Variants in DOCK1 observed in about 807,000 individuals in gnomAD.
DOCK1 encodes the protein dedicator of cytokinesis 1, also known as dedicator of cytokinesis protein 1.
A neutral mutation model predicts 262.7 loss-of-function variants in DOCK1; 138 were observed. That is an observed-to-expected ratio of 0.53 (90% confidence interval 0.46 to 0.61). The LOEUF is 0.61. Ranked by LOEUF, DOCK1 falls within the 20% of genes least tolerant of loss-of-function variation. DOCK1 has a pLI of 0.00. For missense variants in DOCK1, 1,908 were observed against 2,370.7 expected (o/e 0.80, Z 4.05); for synonymous variants, 866 against 867.4 (o/e 1.00, Z 0.03).
chr10:127,373,100 T>C, intron 33 of DOCK1, among the ~76,000 whole-genome samples: 1 of 152,154 alleles, frequency 6.6e-6, no homozygotes, highest in Non-Finnish European at 1.5e-5. Context: ...CCCCAGAATT[T>C]AGAGTTTTTC....
intron 38 of DOCK1, among the ~76,000 whole-genome samples, chr10:127,397,905 G>T (rs1336365905): frequency 3.3e-5 from 5 of 152,138 alleles, no homozygotes; most frequent in Admixed American, 6.5e-5. Flanking sequence ...CTATGACATG[G>T]GTCATGGCTC....
chr10:127,421,244 G>T (rs987200682), intron 46 of DOCK1, among the ~76,000 whole-genome samples: 1 of 152,108 alleles, frequency 6.6e-6, no homozygotes, highest in Non-Finnish European at 1.5e-5. Flanking sequence ...TGACATCCCA[G>T]CAGGGCCTCT....
intron 38 of DOCK1, among the ~76,000 whole-genome samples, chr10:127,393,004 G>A (rs1485589597): frequency 1.3e-5 from 2 of 152,120 alleles, no homozygotes; most frequent in Non-Finnish European, 2.9e-5. Context: ...TGACCGAACG[G>A]GCAGACAAGC....
chr10:127,176,326 G>C lies in DOCK1; in HGVS notation c.2847+48562G>C. 1.2e-6 allele frequency: 2 copies of C among 1,614,016 alleles called. No homozygotes were observed. Among genetic ancestry groups the C allele is most frequent in the African/African-American group, 1.3e-5 (1 of 75,036 alleles). ...AGGGCGTATTTCATCTCCAGGGCCAGGCAGGCGGCGGGTTCCACTTCACTC... is the reference window on the plus strand; with the variant it reads ...AGGGCGTATTTCATCTCCAGGGCCACGCAGGCGGCGGGTTCCACTTCACTC... On this transcript the variant is annotated intron_variant, in intron 27 of 51. Transcript: ENST00000623213. This position sits in a 1 kb window ranked among gnomAD's most constrained non-coding sequence, Gnocchi z 4.4.
intron 1 of DOCK1, among the ~76,000 whole-genome samples, chr10:126,945,651 C>T (rs907928495): frequency 1.3e-5 from 2 of 152,156 alleles, no homozygotes; most frequent in Admixed American, 1.3e-4. Context: ...TGGAGTGAGT[C>T]AAATACTCTT....
At chr10:127,027,510 C>T (rs187470280) in intron 16 of DOCK1, among the ~76,000 whole-genome samples, 13 of 152,210 alleles carry the variant, frequency 8.5e-5, no homozygotes, top group Non-Finnish European at 1.8e-4. Flanking sequence ...TGCTTGAACC[C>T]GGGAGGCAGA....
intron 29 of DOCK1, among the ~76,000 whole-genome samples, chr10:127,271,683 A>G (rs1317101069): frequency 6.6e-6 from 1 of 152,200 alleles, no homozygotes; most frequent in African/African-American, 2.4e-5. Flanking sequence ...ACACTGTCCC[A>G]TTACCCAACA....
intron 32 of DOCK1, among the ~76,000 whole-genome samples, chr10:127,360,946 G>GA (rs2133917580): frequency 6.6e-6 from 1 of 152,174 alleles, no homozygotes; most frequent in Non-Finnish European, 1.5e-5. Context: ...TCAGTGAGAT[G>GA]ATGCTTTATC....
At chr10:127,262,716 C>T (rs574664397) in intron 29 of DOCK1, among the ~76,000 whole-genome samples, 2 of 152,194 alleles carry the variant, frequency 1.3e-5, no homozygotes, top group Non-Finnish European at 2.9e-5. Flanking sequence ...TTTCCCTGTA[C>T]ATTCCCATTC....
chr10:127,291,743 T>G (rs6482774), intron 29 of DOCK1, among the ~76,000 whole-genome samples: 34,745 of 152,194 alleles, frequency 0.23, 4,257 homozygotes, highest in African/African-American at 0.32. Flanking sequence ...GCTCTCCTGT[T>G]GCGCTGGCTG....
chr10:127,434,202 T>C (rs1188025831), intron 48 of DOCK1, among the ~76,000 whole-genome samples: 1 of 152,176 alleles, frequency 6.6e-6, no homozygotes, highest in African/African-American at 2.4e-5. Context: ...GCAAATGTTT[T>C]GTTTATTTTT....
intron 49 of DOCK1, among the ~76,000 whole-genome samples, chr10:127,440,046 C>G (rs564020500): frequency 6.6e-6 from 1 of 151,656 alleles, no homozygotes; most frequent in African/African-American, 2.4e-5. Flanking sequence ...GCAGGCTGTA[C>G]GAGCACAGCA....
intron 29 of DOCK1, among the ~76,000 whole-genome samples, chr10:127,258,512 C>T (rs543056395): frequency 4.6e-4 from 70 of 152,298 alleles, no homozygotes; most frequent in African/African-American, 1.6e-3. Flanking sequence ...TCCCATGGTA[C>T]GCCTGGACCA....
intron 27 of DOCK1, among the ~76,000 whole-genome samples, chr10:127,232,530 A>ATT (rs1258407925): frequency 1.3e-5 from 2 of 152,126 alleles, no homozygotes; most frequent in African/African-American, 4.8e-5. Flanking sequence ...TGTGATAATG[A>ATT]TTTTATACTA....
In DOCK1 at chr10:127,023,665, T is replaced by C. The variant is rs1404994385; in HGVS notation, c.1452+341T>C. On this transcript the variant is annotated intron_variant, in intron 14 of 51. Transcript: ENST00000623213. ...TAGTAGAGATGGGGTTTCACCATGT[T>C]GACCTCAAATAATCCGCCCGCCTTG... is the stretch of plus-strand genomic sequence containing the variant. Among the ~76,000 whole-genome samples the C allele has an allele frequency of 2.6e-5, 4 of 151,850 alleles. No homozygotes were observed. The East Asian group carries it at 7.8e-4, about 30-fold the overall frequency.
chr10:127,197,938 G>A (rs1268035072), intron 27 of DOCK1, among the ~76,000 whole-genome samples: 2 of 152,124 alleles, frequency 1.3e-5, no homozygotes, highest in African/African-American at 2.4e-5. Flanking sequence ...TCTTTACCCC[G>A]CAGCATCCTT....
chr10:127,257,881 T>C (rs1440539798), intron 29 of DOCK1: 2 of 152,950 alleles, frequency 1.3e-5, no homozygotes, highest in Admixed American at 6.5e-5. Context: ...ACTTGTGCCT[T>C]GTTTATAATC....
intron 13 of DOCK1, among the ~76,000 whole-genome samples, 166 bp from the exon 14 acceptor site, chr10:127,023,034 T>A (rs893065602): frequency 1.3e-5 from 2 of 152,212 alleles, no homozygotes; most frequent in African/African-American, 4.8e-5. Context: ...TGAAAATTGC[T>A]CTTGTCATGT....
chr10:127,304,165 C>G (rs1177103424), intron 29 of DOCK1, among the ~76,000 whole-genome samples: 1 of 152,076 alleles, frequency 6.6e-6, no homozygotes, highest in Non-Finnish European at 1.5e-5. Context: ...CCAGCCAGGC[C>G]TACAAGGCAC....
Sources: allele counts gnomAD v4.1 joint callset (sites outside exome capture counted in the v4.1 genomes callset), GRCh38; gene constraint gnomAD v4.1.1; non-coding constraint Gnocchi (gnomAD v3.1); transcripts MANE v1.5; gene names NCBI Gene and HGNC (gene_info 2026-07-23, HGNC 2026-07-21).